The following ADAMTS6 variants were observed in gnomAD, a reference collection of about 807,000 sequenced individuals.
The protein encoded by ADAMTS6 is ADAM metallopeptidase with thrombospondin type 1 motif 6, also known as A disintegrin and metalloproteinase with thrombospondin motifs 6.
Under a neutral mutation model 144.3 loss-of-function variants are expected in ADAMTS6, and 23 were observed. That is an observed-to-expected ratio of 0.16 (90% CI 0.11 to 0.23). The LOEUF is 0.23. Ranked by LOEUF, ADAMTS6 falls within the 10% of genes least tolerant of loss-of-function variation. ADAMTS6 has a pLI of 1.00. For synonymous variants in ADAMTS6, 444 were observed against 457.5 expected (o/e 0.97, Z 0.38); for missense variants, 999 against 1,379.6 (o/e 0.72, Z 4.37).
chr5:65,215,413 C>A lies in ADAMTS6; in HGVS notation c.2347G>T (p.Ala783Ser). Residue 783 changes from alanine (A) to serine (S), a missense_variant, in exon 19 of 25, where the codon GCT becomes TCT. By Grantham distance (99) the Ala-to-Ser change is moderately conservative. This residue lies in a region of ADAMTS6 where 619 missense variants were observed against 837.0 expected (regional missense o/e 0.74). Transcript: ENST00000381055. ...CTCTTGTAATGAAAAGCTGTCCCAGCAACATCAAATTTCCTAGGCCAGTCA... is the reference window on the plus strand; with the variant it reads ...CTCTTGTAATGAAAAGCTGTCCCAGAAACATCAAATTTCCTAGGCCAGTCA... Reference protein sequence around the residue: ...TIDWPRKFDVAGTAFHYKRPT... With the variant: ...TIDWPRKFDVSGTAFHYKRPT... 6.2e-7 allele frequency: 1 copy of A among 1,614,010 alleles called. No homozygotes were observed. The highest frequency in any genetic ancestry group is 8.5e-7 in the Non-Finnish European group (1 of 1,179,934).
chr5:65,284,644 C>T (rs897698586), intron 11 of ADAMTS6, among the ~76,000 whole-genome samples: 1 of 152,040 alleles, frequency 6.6e-6, no homozygotes, highest in African/African-American at 2.4e-5. Context: ...TGGCACTCAA[C>T]CACTTGTAGA....
chr5:65,294,084 G>C (rs868297163), intron 10 of ADAMTS6, among the ~76,000 whole-genome samples: 1 of 152,176 alleles, frequency 6.6e-6, no homozygotes, highest in Non-Finnish European at 1.5e-5. Context: ...TATCTGCAAG[G>C]TGGATTTAAA....
At chr5:65,207,812 A>C (rs917855582) in intron 20 of ADAMTS6, among the ~76,000 whole-genome samples, 3 of 152,222 alleles carry the variant, frequency 2.0e-5, no homozygotes, top group Non-Finnish European at 4.4e-5. Flanking sequence ...ATCTAAATTA[A>C]AGTTGGTTGA....
chr5:65,232,573 T>C (rs138748898), intron 15 of ADAMTS6, among the ~76,000 whole-genome samples: 8 of 151,872 alleles, frequency 5.3e-5, no homozygotes, highest in South Asian at 4.1e-4. Context: ...TGAACACTTA[T>C]ATGTCAACAA....
At chr5:65,207,932 A>T (rs1220509499) in intron 20 of ADAMTS6, among the ~76,000 whole-genome samples, 1 of 152,266 alleles carries the variant, frequency 6.6e-6, no homozygotes, top group Non-Finnish European at 1.5e-5. Flanking sequence ...AAAAGCATTT[A>T]TTACATTAAT....
chr5:65,391,068 A>C (rs1003783193), intron 7 of ADAMTS6, among the ~76,000 whole-genome samples: 6 of 151,718 alleles, frequency 4.0e-5, no homozygotes, highest in Non-Finnish European at 8.8e-5. Context: ...CTATAGGCAC[A>C]CACCACCACA....
At chr5:65,320,939 C>G (rs565965756) in intron 9 of ADAMTS6, among the ~76,000 whole-genome samples, 1 of 152,220 alleles carries the variant, frequency 6.6e-6, no homozygotes, top group East Asian at 1.9e-4. Flanking sequence ...TTTTCTTTAT[C>G]CAGTCTGTTA....
intron 18 of ADAMTS6, among the ~76,000 whole-genome samples, chr5:65,220,958 ATTATGCATAATT>A (rs1229919950): frequency 2.0e-5 from 3 of 151,930 alleles, no homozygotes; most frequent in Non-Finnish European, 2.9e-5. Flanking sequence ...ATAAGAAAAT[ATTATGCATAATT>A]TTATGCCAAT....
intron 24 of ADAMTS6, among the ~76,000 whole-genome samples, chr5:65,160,926 A>C (rs1041099440): frequency 6.6e-6 from 1 of 152,100 alleles, no homozygotes. Flanking sequence ...TGCTGGGATT[A>C]TAGGCGTGAG....
At chr5:65,368,274 A>G (rs1440135447) in intron 7 of ADAMTS6, among the ~76,000 whole-genome samples, 1 of 152,204 alleles carries the variant, frequency 6.6e-6, no homozygotes, top group Non-Finnish European at 1.5e-5. Flanking sequence ...CAGCAACAGC[A>G]TTTCTTTTGG....
chr5:65,375,278 A>G (rs558557129), intron 7 of ADAMTS6, among the ~76,000 whole-genome samples: 278 of 152,314 alleles, frequency 1.8e-3, no homozygotes, highest in African/African-American at 5.7e-3. Context: ...ATTAAACTAA[A>G]GAGCTTCTGC....
chr5:65,271,953 A>G (rs1318299820), intron 12 of ADAMTS6, among the ~76,000 whole-genome samples: 1 of 152,228 alleles, frequency 6.6e-6, no homozygotes, highest in Non-Finnish European at 1.5e-5. Context: ...ATCTTAAAAA[A>G]AAAGATTCTA....
At chr5:65,165,987 A>C (rs1359722898) in intron 24 of ADAMTS6, among the ~76,000 whole-genome samples, 19 of 151,302 alleles carry the variant, frequency 1.3e-4, no homozygotes, top group Admixed American at 2.6e-4. Flanking sequence ...TGAACAAAAT[A>C]ACCAGCTAAC....
At chr5:65,272,723 C>G (rs1370478885) in intron 12 of ADAMTS6, among the ~76,000 whole-genome samples, 1 of 151,670 alleles carries the variant, frequency 6.6e-6, no homozygotes, top group Non-Finnish European at 1.5e-5. Flanking sequence ...AGTTCGAGAC[C>G]AGCCCGGGCA....
In ADAMTS6 at chr5:65,149,005, G is replaced by A. The variant is rs138616378; in HGVS notation, c.*2831C>T. The A allele has an allele frequency of 5.9e-5, 9 of 152,706 alleles. No homozygotes were observed. Among genetic ancestry groups the A allele is most frequent in the African/African-American group, 9.6e-5 (4 of 41,544 alleles). The allele number at this position is 152,706 out of a possible 1,614,324, so 9.5% of individuals were successfully genotyped here. On this transcript the variant is annotated 3_prime_UTR_variant, in exon 25 of 25. Coordinates refer to ENST00000381055, the MANE Select transcript of ADAMTS6 (RefSeq NM_197941.4). ...ATCACAATAATACAAAGGTAATTTCGTTCTGTGTTACTGAGGATACCTATG... is the reference window on the plus strand; with the variant it reads ...ATCACAATAATACAAAGGTAATTTCATTCTGTGTTACTGAGGATACCTATG...
chr5:65,278,181 T>C (rs1327545378), intron 11 of ADAMTS6, among the ~76,000 whole-genome samples: 1 of 152,240 alleles, frequency 6.6e-6, no homozygotes, highest in Non-Finnish European at 1.5e-5. Context: ...GGCTGAGTAG[T>C]ATTCCACAAG....
intron 7 of ADAMTS6, among the ~76,000 whole-genome samples, chr5:65,351,751 C>T (rs910321961): frequency 6.6e-6 from 1 of 151,878 alleles, no homozygotes; most frequent in South Asian, 2.1e-4. Flanking sequence ...CTTTGAATAG[C>T]CACTGCACTC....
chr5:65,157,900 T>C (rs561303327), intron 24 of ADAMTS6, among the ~76,000 whole-genome samples: 1 of 152,346 alleles, frequency 6.6e-6, no homozygotes, highest in Non-Finnish European at 1.5e-5. Context: ...AGCTTATTTT[T>C]ATCCTTGAAG....
intron 9 of ADAMTS6, among the ~76,000 whole-genome samples, chr5:65,326,691 C>A (rs556721577): frequency 1.3e-4 from 20 of 152,172 alleles, no homozygotes; most frequent in Middle Eastern, 3.4e-3. Flanking sequence ...ATAAAGGATA[C>A]AAGTCACAAA....
Sources: gnomAD v4.1 joint callset for allele counts (sites outside exome capture counted in the v4.1 genomes callset) on GRCh38, gnomAD v4.1.1 for gene constraint, gnomAD v4.1.1 regional missense constraint, MANE v1.5 for transcripts, NCBI Gene and HGNC (gene_info 2026-07-23, HGNC 2026-07-21) for gene names.